The following CEP89 variants were observed in gnomAD, a reference collection of about 807,000 sequenced individuals.
The protein encoded by CEP89 is centrosomal protein 89.
A neutral mutation model predicts 97.6 loss-of-function variants in CEP89; 95 were observed. The ratio of observed to expected loss-of-function variants is 0.97; its 90% CI spans 0.82 to 1.15. CEP89 has a LOEUF of 1.15. Ranked by LOEUF, CEP89 falls within the 50% of genes most tolerant of loss-of-function variation. The pLI is 0.00. For missense variants in CEP89, 869 were observed against 947.7 expected, an observed-to-expected ratio of 0.92 and a Z score of 1.09; for synonymous variants, 354 against 349.1, an observed-to-expected ratio of 1.01 and a Z score of -0.16.
chr19:32,890,670 G>C (rs1969495569), intron 16 of CEP89, among the ~76,000 whole-genome samples: 2 of 152,074 alleles, frequency 1.3e-5, no homozygotes, highest in African/African-American at 4.8e-5. Flanking sequence ...GAAAGGGTGA[G>C]AGATCCCCAG....
chr19:32,887,699 G>A (rs1969429026), intron 17 of CEP89, 53 bp downstream of exon 17: 1 of 1,074,166 alleles, frequency 9.3e-7, no homozygotes, highest in African/African-American at 1.6e-5. Context: ...CCACAGCAGT[G>A]AGCCTGCATT....
intron 16 of CEP89, among the ~76,000 whole-genome samples, chr19:32,894,048 C>T (rs934594854): frequency 6.6e-6 from 1 of 152,150 alleles, no homozygotes; most frequent in Non-Finnish European, 1.5e-5. Context: ...CAGAGCAGAA[C>T]TAAGTGAGGC....
chr19:32,949,247 C>G lies in CEP89; in HGVS notation c.493-879G>C, dbSNP rs1197711727. Among the ~76,000 whole-genome samples, 8 of 152,290 alleles carry G rather than the reference C, an allele frequency of 5.3e-5. No individual in the cohort carries two copies. The East Asian group carries it at 1.5e-3, about 29-fold the overall frequency. ...GTTTCATCCCAACATGGCAGGGACA[C>G]AGAGTTGTCCTTTAGAGAGGCCCAT... On this transcript the variant is annotated intron_variant, in intron 4 of 18. Transcript: ENST00000305768.
chr19:32,923,467 T>C lies in CEP89; in HGVS notation c.1240A>G (p.Lys414Glu). ...ENEELHQELN[K>E]SSAVTSEEWR... Reference sequence around the variant, plus strand: ...TCCTCACTGGTAACAGCACTACTCTTATTTAACTCTTGGTGCAATTCTTCA... The same window carrying C: ...TCCTCACTGGTAACAGCACTACTCTCATTTAACTCTTGGTGCAATTCTTCA... Residue 414 changes from lysine to glutamate, a missense_variant, in exon 12 of 19, where the codon AAG becomes GAG. Transcript: ENST00000305768. 6.2e-7 allele frequency: 1 copy of C among 1,608,468 alleles called. No homozygotes were observed. The highest frequency in any genetic ancestry group is 8.5e-7 in the Non-Finnish European group (1 of 1,175,066).
Position 32,915,434 on chromosome 19 carries a change from G to A in CEP89, c.1468C>T (p.Leu490=). 1 of 1,613,892 alleles carries A rather than the reference G, an allele frequency of 6.2e-7. No individual in the cohort carries two copies. Among genetic ancestry groups the A allele is most frequent in the Non-Finnish European group, 8.5e-7 (1 of 1,179,972 alleles). The change falls in exon 14 of 19, where the codon CTG becomes TTG. Residue 490 remains leucine, a synonymous_variant. Coordinates refer to ENST00000305768, the MANE Select transcript of CEP89 (RefSeq NM_032816.5). ...TGGCATTTGGCACGTAAAATCTCCA[G>A]CTGTTCCCTGTTCTCCGCCAGCTCC... ...EKELAENREQ[L]EILRAKCQEL... is the part of the protein sequence containing the mutation.
intron 15 of CEP89, among the ~76,000 whole-genome samples, chr19:32,900,903 T>TTTTTTTTG (rs1599722239): frequency 1.3e-5 from 2 of 148,688 alleles, no homozygotes; most frequent in Admixed American, 6.7e-5. Context: ...TTTTTTTTTT[T>TTTTTTTTG]GAGACAGGGT....
chr19:32,938,113 C>T (rs1472662047), intron 6 of CEP89, among the ~76,000 whole-genome samples: 1 of 151,496 alleles, frequency 6.6e-6, no homozygotes, highest in Non-Finnish European at 1.5e-5. Context: ...GCTGGGATTA[C>T]ACTGTTTCTT....
intron 3 of CEP89, among the ~76,000 whole-genome samples, chr19:32,958,510 C>T (rs1465935983): frequency 1.3e-5 from 2 of 150,714 alleles, no homozygotes; most frequent in Non-Finnish European, 1.5e-5. Context: ...AAAATCTCAT[C>T]TCTACTAAAA....
At chr19:32,951,393 G>A (rs1437760622) in intron 4 of CEP89, among the ~76,000 whole-genome samples, 1 of 151,880 alleles carries the variant, frequency 6.6e-6, no homozygotes, top group Admixed American at 6.6e-5. Context: ...GGCTGAGGCA[G>A]GAGAATCACT....
intron 8 of CEP89, 124 bp downstream of exon 8, chr19:32,933,324 CAAA>C: frequency 6.6e-6 from 5 of 761,594 alleles, no homozygotes; most frequent in Non-Finnish European, 1.1e-5. Flanking sequence ...AGGATATTAA[CAAA>C]AAAACCTGAA....
intron 5 of CEP89, among the ~76,000 whole-genome samples, chr19:32,941,434 C>G (rs1970684830): frequency 6.6e-6 from 1 of 152,058 alleles, no homozygotes; most frequent in Admixed American, 6.6e-5. Context: ...GTTTGGGAGG[C>G]AGAGGTTGCA....
At chr19:32,928,504 A>G (rs11670587) in intron 9 of CEP89, among the ~76,000 whole-genome samples, 23,521 of 151,974 alleles carry the variant, frequency 0.15, 2,311 homozygotes, top group Non-Finnish European at 0.22. Flanking sequence ...TTTTAGCCAT[A>G]CATCTCAGGC....
intron 2 of CEP89, among the ~76,000 whole-genome samples, chr19:32,963,122 G>A (rs573049170): frequency 6.6e-6 from 1 of 152,300 alleles, no homozygotes; most frequent in East Asian, 1.9e-4. Flanking sequence ...TTGGGAGGCC[G>A]AGGCGGGTGG....
intron 14 of CEP89, among the ~76,000 whole-genome samples, chr19:32,903,501 G>C (rs1362685479): frequency 6.6e-6 from 1 of 152,200 alleles, no homozygotes; most frequent in Non-Finnish European, 1.5e-5. Context: ...AAAATAGCAT[G>C]CTGGGGACAG....
intron 13 of CEP89, 100 bp downstream of exon 13, chr19:32,918,122 TTC>T (rs1227312232): frequency 2.2e-6 from 2 of 889,334 alleles, no homozygotes; most frequent in Non-Finnish European, 3.6e-6. Flanking sequence ...AAAACATGAC[TTC>T]TCTCATTTTC....
At chr19:32,944,729 A>C (rs554742599) in intron 5 of CEP89, among the ~76,000 whole-genome samples, 4 of 152,354 alleles carry the variant, frequency 2.6e-5, no homozygotes, top group Admixed American at 6.5e-5. Context: ...AACAGCGTCC[A>C]CGAGCATGAA....
intron 3 of CEP89, among the ~76,000 whole-genome samples, chr19:32,955,694 A>T (rs1971031541): frequency 6.6e-6 from 1 of 151,796 alleles, no homozygotes; most frequent in Admixed American, 6.6e-5. Context: ...TTGTATTTTT[A>T]GTAGACATGG....
At chr19:32,911,607 G>T (rs1489339432) in intron 14 of CEP89, among the ~76,000 whole-genome samples, 1 of 152,176 alleles carries the variant, frequency 6.6e-6, no homozygotes, top group South Asian at 2.1e-4. Flanking sequence ...AGCCAAGATC[G>T]TACCACTGCA....
At chr19:32,942,849 CTTTTTTTT>C (rs757161677) in intron 5 of CEP89, among the ~76,000 whole-genome samples, 1 of 136,370 alleles carries the variant, frequency 7.3e-6, no homozygotes. Context: ...CTATTCCAGT[CTTTTTTTT>C]TTTTTTTTTT....
Sources: gnomAD v4.1 joint callset for allele counts (sites outside exome capture counted in the v4.1 genomes callset) on GRCh38, gnomAD v4.1.1 for gene constraint, MANE v1.5 for transcripts, NCBI Gene and HGNC (gene_info 2026-07-23, HGNC 2026-07-21) for gene names.